The following CNTNAP3B variants were observed in gnomAD, a reference collection of about 807,000 sequenced individuals.
The protein encoded by CNTNAP3B is contactin associated protein family member 3B, also known as contactin-associated protein-like 3B.
In CNTNAP3B, 25 loss-of-function variants were observed where a neutral mutation model predicts 108.9. The ratio of observed to expected loss-of-function variants is 0.23; its 90% CI spans 0.17 to 0.32. The LOEUF (loss-of-function observed/expected upper bound fraction) is 0.32. Ranked by LOEUF, CNTNAP3B falls within the 10% of genes least tolerant of loss-of-function variation. CNTNAP3B has a pLI of 1.00. For missense variants in CNTNAP3B, 252 were observed against 1,210.4 expected (o/e 0.21, Z 11.75); for synonymous variants, 103 against 473.4 (o/e 0.22, Z 10.16).
chr9:41,971,373 TAGAA>T (rs1353886566), intron 9 of CNTNAP3B, among the ~76,000 whole-genome samples: 2 of 61,752 alleles, frequency 3.2e-5, no homozygotes, highest in Admixed American at 1.9e-4. Flanking sequence ...CAACTGTTTG[TAGAA>T]AGAGTCATAT....
intron 9 of CNTNAP3B, among the ~76,000 whole-genome samples, chr9:41,981,970 G>C (rs1825637210): frequency 1.3e-5 from 1 of 75,844 alleles, no homozygotes. Context: ...TCAGGAGGCT[G>C]AGGCGGGGGA....
At position 41,929,443 on chromosome 9, in the gene CNTNAP3B, T is replaced by C. The variant is rs1588045676; in HGVS notation, c.2239A>G (p.Thr747Ala). 5 of 1,529,000 alleles carry C rather than the reference T, an allele frequency of 3.3e-6. No individual in the cohort carries two copies. In the East Asian group the frequency reaches 1.2e-4, roughly 36 times the overall value. The allele number at this position is 1,529,000 out of a possible 1,614,324, so 94.7% of individuals were successfully genotyped here. A position where few individuals can be genotyped will look rare whatever the true frequency, so the allele number is the denominator to read the frequency against. The change falls in exon 15 of 24, where the codon ACT becomes GCT. Residue 747 changes from threonine (T) to alanine (A), a missense_variant and splice_region_variant. Transcript: ENST00000377561. ...TGGGAAAGGACTATTGTGTCACTAG[T>C]CCTAAAGAACAACAACCGAAACCAT... ...CNCDAGQNEW[T>A]SDTIVLSQKE...
At chr9:41,956,340 C>A (rs1292701555) in intron 12 of CNTNAP3B, among the ~76,000 whole-genome samples, 3 of 151,880 alleles carry the variant, frequency 2.0e-5, no homozygotes, top group African/African-American at 7.3e-5. Flanking sequence ...GAGCCGAGAT[C>A]GTGCCACTGT....
rs1246017273 is a variant in CNTNAP3B at position 41,972,945 on chromosome 9, T to A, written c.1478-2700A>T. On this transcript the variant is annotated intron_variant, in intron 9 of 23. Coordinates refer to ENST00000377561, the MANE Select transcript of CNTNAP3B (RefSeq NM_001201380.3). ...ACATAACTTAGGTTATCTTTTTTTT[T>A]TTTTTTTTTGAGACCTGAGTCTCAT... 4.3e-5 allele frequency among the ~76,000 whole-genome samples: 3 copies of A among 69,162 alleles called. 1 individual carries two copies. The highest frequency in any genetic ancestry group is 6.2e-5 in the Non-Finnish European group (2 of 32,082). The allele number at this position is 69,162 out of a possible 152,430, so 45.4% of individuals were successfully genotyped here. A position where few individuals can be genotyped will look rare whatever the true frequency, so the allele number is the denominator to read the frequency against.
chr9:42,127,429 G>C lies in CNTNAP3B; in HGVS notation c.85+1581C>G, dbSNP rs1183074638. Among the ~76,000 whole-genome samples the C allele has an allele frequency of 1.4e-5, 2 of 139,554 alleles. 1 individual carries two copies. The highest frequency in any genetic ancestry group is 5.7e-5 in the African/African-American group (2 of 35,168). 91.6% of individuals were successfully genotyped at this position (139,554 alleles called of 152,430 possible). A position where few individuals can be genotyped will look rare whatever the true frequency, so the allele number is the denominator to read the frequency against. ...ACAAAAACAGGAAAGGTGGTGGCAG[G>C]ATCTCAGATTTCATTTTTCTCCAGG... On this transcript the variant is annotated intron_variant, in intron 1 of 23. Coordinates refer to ENST00000377561, the MANE Select transcript of CNTNAP3B (RefSeq NM_001201380.3).
At chr9:42,109,419 T>C (rs1361543150) in intron 1 of CNTNAP3B, among the ~76,000 whole-genome samples, 1 of 146,006 alleles carries the variant, frequency 6.8e-6, no homozygotes, top group Non-Finnish European at 1.5e-5. Context: ...CAATTCATTA[T>C]TCTGGGATCT....
intron 3 of CNTNAP3B, among the ~76,000 whole-genome samples, chr9:42,067,049 A>T (rs1827281915): frequency 6.6e-6 from 1 of 152,124 alleles, no homozygotes; most frequent in Non-Finnish European, 1.5e-5. Flanking sequence ...GCGGTTTTGC[A>T]TTGATAATAT....
intron 15 of CNTNAP3B, among the ~76,000 whole-genome samples, chr9:41,927,855 G>A (rs936420487): frequency 6.7e-6 from 1 of 149,452 alleles, no homozygotes; most frequent in Admixed American, 6.7e-5. Flanking sequence ...GAATGCATAG[G>A]AGAAGGACAA....
intron 13 of CNTNAP3B, among the ~76,000 whole-genome samples, chr9:41,939,566 T>C (rs1038766330): frequency 3.3e-5 from 5 of 152,292 alleles, no homozygotes; most frequent in Non-Finnish European, 5.9e-5. Context: ...ACCAGGAATC[T>C]TTTAAAAATG....
chr9:41,918,115 G>A (rs1823568697), intron 18 of CNTNAP3B, among the ~76,000 whole-genome samples: 1 of 151,618 alleles, frequency 6.6e-6, no homozygotes, highest in Admixed American at 6.6e-5. Context: ...TATGTGGCCA[G>A]CCTGGAAATG....
intron 14 of CNTNAP3B, among the ~76,000 whole-genome samples, chr9:41,932,665 G>T (rs1410326290): frequency 6.6e-6 from 1 of 152,142 alleles, no homozygotes; most frequent in Non-Finnish European, 1.5e-5. Context: ...GATTACATGC[G>T]TGCGCCACTA....
Position 42,110,439 on chromosome 9 carries a change from T to G in CNTNAP3B, c.86-5700A>C, listed in dbSNP as rs1380422984. ...ATGAGGGGACGGCACCTTAACCAGC[T>G]TCGAATTATCAGAAAAACACAAAGC... On this transcript the variant is annotated intron_variant, in intron 1 of 23. Transcript: ENST00000377561. Among the ~76,000 whole-genome samples the G allele has an allele frequency of 1.5e-5, 2 of 136,266 alleles. 1 individual carries two copies. The highest frequency in any genetic ancestry group is 3.1e-5 in the Non-Finnish European group (2 of 64,252). 89.4% of individuals were successfully genotyped at this position (136,266 alleles called of 152,430 possible). A position where few individuals can be genotyped will look rare whatever the true frequency, so the allele number is the denominator to read the frequency against.
At chr9:41,967,199 A>G (rs1346448243) in intron 10 of CNTNAP3B, among the ~76,000 whole-genome samples, 1 of 151,944 alleles carries the variant, frequency 6.6e-6, no homozygotes, top group African/African-American at 2.4e-5. Context: ...CCCAAATCTC[A>G]TCTTGAATTG....
intron 14 of CNTNAP3B, among the ~76,000 whole-genome samples, chr9:41,930,012 A>T (rs1176245051): frequency 6.6e-6 from 1 of 152,258 alleles, no homozygotes; most frequent in Non-Finnish European, 1.5e-5. Flanking sequence ...CTAAGTGATT[A>T]TTCTTTACAA....
chr9:41,954,167 A>G, intron 12 of CNTNAP3B, among the ~76,000 whole-genome samples: 1 of 152,278 alleles, frequency 6.6e-6, no homozygotes, highest in South Asian at 2.1e-4. Flanking sequence ...CTCTAATAAG[A>G]TGTATTTAGA....
At chr9:41,963,433 T>A (rs1204590381) in intron 11 of CNTNAP3B, among the ~76,000 whole-genome samples, 2 of 150,300 alleles carry the variant, frequency 1.3e-5, no homozygotes, top group African/African-American at 2.5e-5. Context: ...TATAACAGGT[T>A]AGAGTTCAAT....
chr9:41,951,848 G>T (rs1461430016), intron 13 of CNTNAP3B, among the ~76,000 whole-genome samples: 22 of 152,188 alleles, frequency 1.4e-4, no homozygotes, highest in African/African-American at 4.8e-4. Context: ...AGGCTGAGGC[G>T]GGCGGATCAC....
At chr9:41,955,095 A>G (rs76272355) in intron 12 of CNTNAP3B, among the ~76,000 whole-genome samples, 14,395 of 142,894 alleles carry the variant, frequency 0.1, 341 homozygotes, top group East Asian at 0.23. Context: ...TGGAACACTA[A>G]GTTGGGCATT....
At chr9:42,005,490 T>TAA (rs996299835) in intron 4 of CNTNAP3B, among the ~76,000 whole-genome samples, 1 of 92,738 alleles carries the variant, frequency 1.1e-5, no homozygotes, top group South Asian at 4.0e-4. Flanking sequence ...TATTTATTTT[T>TAA]AAAAAATATT....
Sources: gnomAD v4.1 joint callset for allele counts (sites outside exome capture counted in the v4.1 genomes callset) on GRCh38, gnomAD v4.1.1 for gene constraint, MANE v1.5 for transcripts, NCBI Gene and HGNC (gene_info 2026-07-23, HGNC 2026-07-21) for gene names.